TULP4: variants seen among roughly 807,000 people sequenced by gnomAD.
TULP4 encodes the protein tubby-related protein 4.
Under a neutral mutation model 129.0 loss-of-function variants are expected in TULP4, and 16 were observed. The observed-to-expected ratio is 0.12, with a 90% CI of 0.08 to 0.19. The LOEUF is 0.19. TULP4 is among the 10% of genes least tolerant of loss of function. The pLI, the probability that TULP4 is intolerant of heterozygous loss-of-function variation, is 1.00. For synonymous variants in TULP4, 998 were observed against 854.0 expected (o/e 1.17, Z -2.94); for missense variants, 1,842 against 2,059.1 (o/e 0.89, Z 2.04).
intron 1 of TULP4, among the ~76,000 whole-genome samples, chr6:158,306,924 G>A (rs1244673236): frequency 6.6e-6 from 1 of 152,164 alleles, no homozygotes; most frequent in African/African-American, 2.4e-5. Flanking sequence ...GGAGGCTGAG[G>A]TGGGAGGATT....
chr6:158,249,616 A>G (rs913232758), intron 1 of TULP4, among the ~76,000 whole-genome samples: 2 of 152,118 alleles, frequency 1.3e-5, no homozygotes, highest in African/African-American at 4.8e-5. Flanking sequence ...TTGATTTTGC[A>G]TCTCCCTCCT....
chr6:158,294,317 C>T (rs957520367), intron 1 of TULP4, among the ~76,000 whole-genome samples: 7 of 150,920 alleles, frequency 4.6e-5, no homozygotes, highest in African/African-American at 9.8e-5. Flanking sequence ...GAGCCGAGAC[C>T]GTGCCACTGC....
intron 6 of TULP4, among the ~76,000 whole-genome samples, chr6:158,464,121 G>T (rs654049): frequency 0.42 from 63,536 of 152,032 alleles, 14,579 homozygotes; most frequent in African/African-American, 0.62. Context: ...AAGAGGTTTA[G>T]TCTGAGCCAA....
chr6:158,335,274 C>CAA (rs61418142), intron 1 of TULP4, among the ~76,000 whole-genome samples: 2 of 121,558 alleles, frequency 1.6e-5, no homozygotes, highest in Non-Finnish European at 1.8e-5. Flanking sequence ...GAGACTGTCT[C>CAA]AAAAAAAAAA....
chr6:158,296,748 T>C (rs1032225441), intron 1 of TULP4, among the ~76,000 whole-genome samples: 4 of 152,172 alleles, frequency 2.6e-5, no homozygotes, highest in African/African-American at 9.7e-5. Flanking sequence ...TGACATCACA[T>C]ATTGGTAGGT....
At chr6:158,281,096 T>C (rs572043927), upstream of TULP4, among the ~76,000 whole-genome samples, 3 of 152,278 alleles carry the variant, frequency 2.0e-5, no homozygotes, top group South Asian at 6.2e-4. Context: ...GTGGGTGTTA[T>C]CGGAGGGATA....
At chr6:158,423,532 A>G (rs1231555268) in intron 2 of TULP4, among the ~76,000 whole-genome samples, 3 of 152,254 alleles carry the variant, frequency 2.0e-5, no homozygotes, top group South Asian at 4.1e-4. Context: ...ATGCATTGAA[A>G]CATCACATTG....
intron 1 of TULP4, among the ~76,000 whole-genome samples, chr6:158,389,662 G>GAATC (rs1465458377): frequency 4.6e-5 from 7 of 152,122 alleles, no homozygotes; most frequent in Non-Finnish European, 5.9e-5. Context: ...AAGGGCATAT[G>GAATC]AATCATGTGG....
chr6:158,467,780 A>C (rs1290745480), intron 6 of TULP4, among the ~76,000 whole-genome samples: 1 of 152,060 alleles, frequency 6.6e-6, no homozygotes, highest in Non-Finnish European at 1.5e-5. Flanking sequence ...GCCAATCTGG[A>C]TTTTTCTGTT....
intron 1 of TULP4, among the ~76,000 whole-genome samples, chr6:158,306,995 T>C (rs1779226749): frequency 6.6e-6 from 1 of 152,180 alleles, no homozygotes; most frequent in Non-Finnish European, 1.5e-5. Context: ...TACTCCAGCC[T>C]GGGCGACAGA....
rs867588992 is a variant in TULP4 at position 158,364,691 on chromosome 6, T to G, written c.253-48374T>G. 2.6e-5 allele frequency among the ~76,000 whole-genome samples: 4 copies of G among 152,182 alleles called. No individual in the cohort carries two copies. In the South Asian group the frequency reaches 8.3e-4, roughly 32 times the overall value. On this transcript the variant is annotated intron_variant, in intron 1 of 13. Coordinates refer to ENST00000367097, the MANE Select transcript of TULP4 (RefSeq NM_020245.5). Reference sequence around the variant, plus strand: ...AGTTTTCAAGGTTTTCTCTTTATCCTTAATGTTTTGCAGCCTCACAGCAAT... The same window carrying G: ...AGTTTTCAAGGTTTTCTCTTTATCCGTAATGTTTTGCAGCCTCACAGCAAT...
chr6:158,495,789 G>A (rs886736519), intron 11 of TULP4, among the ~76,000 whole-genome samples: 11 of 151,628 alleles, frequency 7.3e-5, no homozygotes, highest in Non-Finnish European at 1.5e-4. Flanking sequence ...GCTGTGAGCC[G>A]AGATCACGCC....
At chr6:158,255,246 A>G (rs1562495991) in intron 1 of TULP4, among the ~76,000 whole-genome samples, 1 of 152,098 alleles carries the variant, frequency 6.6e-6, no homozygotes, top group Non-Finnish European at 1.5e-5. Context: ...GGACCAGAGC[A>G]TGTACCCTAA....
At chr6:158,332,928 TACAC>T (rs960265430) in intron 1 of TULP4, among the ~76,000 whole-genome samples, 3 of 152,180 alleles carry the variant, frequency 2.0e-5, no homozygotes, top group Middle Eastern at 3.4e-3. Context: ...TAAACTGACA[TACAC>T]ACACACGTAC....
intron 1 of TULP4, among the ~76,000 whole-genome samples, chr6:158,389,150 CA>C (rs1777529442): frequency 6.6e-6 from 1 of 152,114 alleles, no homozygotes; most frequent in Admixed American, 6.5e-5. Context: ...TTAATTTTAT[CA>C]CAAAATTTAT....
intron 1 of TULP4, among the ~76,000 whole-genome samples, chr6:158,266,534 G>A (rs941842946): frequency 2.0e-5 from 3 of 152,132 alleles, no homozygotes; most frequent in Admixed American, 1.3e-4. Context: ...GGGATTATAG[G>A]TGTGAGCCAC....
At chr6:158,496,673 A>G (rs2128259722) in intron 11 of TULP4, among the ~76,000 whole-genome samples, 1 of 152,342 alleles carries the variant, frequency 6.6e-6, no homozygotes, top group Admixed American at 6.5e-5. Flanking sequence ...TTATTCCCAC[A>G]TCAGTAAGCT....
intron 3 of TULP4, among the ~76,000 whole-genome samples, chr6:158,445,478 T>C (rs705958): frequency 0.6 from 91,247 of 151,988 alleles, 27,814 homozygotes; most frequent in African/African-American, 0.68. Context: ...TTTATATTCA[T>C]TGAGTCACTG....
chr6:158,422,829 C>T (rs1227018550), intron 2 of TULP4, among the ~76,000 whole-genome samples: 1 of 152,218 alleles, frequency 6.6e-6, no homozygotes, highest in Admixed American at 6.5e-5. Context: ...TTTAAATATG[C>T]AAATGCAGGA....
Sources: allele counts gnomAD v4.1 joint callset (sites outside exome capture counted in the v4.1 genomes callset), GRCh38; gene constraint gnomAD v4.1.1; transcripts MANE v1.5; gene names NCBI Gene and HGNC (gene_info 2026-07-23, HGNC 2026-07-21).